The following RYR3 variants were observed in gnomAD, a reference collection of about 807,000 sequenced individuals.
RYR3 encodes the protein ryanodine receptor 3, also known as brain ryanodine receptor-calcium release channel.
In RYR3, 207 loss-of-function variants were observed where a neutral mutation model predicts 584.3. The ratio of observed to expected loss-of-function variants is 0.35; its 90% CI spans 0.32 to 0.40. The LOEUF is 0.40. Ranked by LOEUF, RYR3 falls within the 10% of genes least tolerant of loss-of-function variation. The pLI is 1.00. For synonymous variants in RYR3, 2,416 were observed against 2,248.5 expected, an observed-to-expected ratio of 1.07 and a Z score of -2.11; for missense variants, 5,616 against 6,089.2, an observed-to-expected ratio of 0.92 and a Z score of 2.59.
At chr15:33,388,786 C>T (rs952265175) in intron 1 of RYR3, among the ~76,000 whole-genome samples, 2 of 152,038 alleles carry the variant, frequency 1.3e-5, no homozygotes, top group Admixed American at 1.3e-4. Flanking sequence ...TATCAACCTC[C>T]ATGCTATAAA....
chr15:33,700,586 T>C (rs1444620496), intron 41 of RYR3, among the ~76,000 whole-genome samples: 3 of 152,126 alleles, frequency 2.0e-5, no homozygotes, highest in African/African-American at 7.2e-5. Context: ...TGAAACTATA[T>C]GAGCTAATGC....
chr15:33,417,924 C>A (rs1024534669), intron 1 of RYR3, among the ~76,000 whole-genome samples: 1 of 152,066 alleles, frequency 6.6e-6, no homozygotes, highest in Admixed American at 6.5e-5. Flanking sequence ...TTTTCTTCAT[C>A]TATTGAGATG....
At chr15:33,860,467 T>TATTTTTCTA in intron 100 of RYR3, 128 bp from the exon 101 acceptor site, 1 of 555,768 alleles carries the variant, frequency 1.8e-6, no homozygotes, top group South Asian at 3.2e-5. Flanking sequence ...ACACGAGTAT[T>TATTTTTCTA]ATTTTTCTAA....
At position 33,719,997 on chromosome 15, in the gene RYR3, G is replaced by A. The variant is rs566880792; in HGVS notation, c.6620-2718G>A. On this transcript the variant is annotated intron_variant, in intron 43 of 103. Coordinates refer to ENST00000634891, the MANE Select transcript of RYR3 (RefSeq NM_001036.6). ...TTTAATAAAAACTGATTGTTTTTTA[G>A]TGTGTGATACATTGGATAGAACTTG... 2.7e-3 allele frequency among the ~76,000 whole-genome samples: 417 copies of A among 152,232 alleles called. 7 individuals carry two copies. Among genetic ancestry groups the A allele is most frequent in the Non-Finnish European group, 1.4e-3 (96 of 68,024 alleles).
intron 10 of RYR3, among the ~76,000 whole-genome samples, chr15:33,556,990 C>G (rs950157696): frequency 6.6e-6 from 1 of 152,132 alleles, no homozygotes; most frequent in African/African-American, 2.4e-5. Context: ...TCAACTTTTT[C>G]TTCATGTTAA....
chr15:33,569,302 C>T lies in RYR3; in HGVS notation c.1268+2503C>T, dbSNP rs531790221. Among the ~76,000 whole-genome samples, 267 of 152,228 alleles carry T rather than the reference C, an allele frequency of 1.8e-3. 1 individual carries two copies. The highest frequency in any genetic ancestry group is 6.3e-3 in the African/African-American group (261 of 41,546). On this transcript the variant is annotated intron_variant, in intron 12 of 103. Coordinates refer to ENST00000634891, the MANE Select transcript of RYR3 (RefSeq NM_001036.6). ...AAAATATACATCACATAAAACTTAT[C>T]GTTTTAGCCATTTTTAGTTTCAGTG...
At chr15:33,841,721 G>C in intron 90 of RYR3, 143 bp from the exon 91 acceptor site, 1 of 739,412 alleles carries the variant, frequency 1.4e-6, no homozygotes, top group Non-Finnish European at 2.2e-6. Flanking sequence ...ACTGTGGATT[G>C]ATAAAGACCT....
At chr15:33,792,863 A>G (rs886725119) in intron 67 of RYR3, among the ~76,000 whole-genome samples, 3 of 152,124 alleles carry the variant, frequency 2.0e-5, no homozygotes, top group African/African-American at 7.2e-5. Flanking sequence ...TCCATTCTCC[A>G]GTTCTCCAAC....
intron 84 of RYR3, 83 bp from the exon 85 acceptor site, chr15:33,827,116 C>T: frequency 8.9e-7 from 1 of 1,125,990 alleles, no homozygotes; most frequent in Non-Finnish European, 1.3e-6. Flanking sequence ...CATAGAATGT[C>T]TTATCTGAGC....
At chr15:33,401,964 T>C (rs993244393) in intron 1 of RYR3, among the ~76,000 whole-genome samples, 1 of 152,152 alleles carries the variant, frequency 6.6e-6, no homozygotes, top group Admixed American at 6.5e-5. Flanking sequence ...TTTGTAAAGA[T>C]AATATACAAG....
At chr15:33,727,024 A>C (rs543823154) in intron 46 of RYR3, among the ~76,000 whole-genome samples, 77 of 152,314 alleles carry the variant, frequency 5.1e-4, no homozygotes, top group African/African-American at 1.9e-3. Flanking sequence ...GAGCATGCCA[A>C]CCCTCTGAGG....
chr15:33,485,377 A>G (rs2050321183), intron 2 of RYR3, among the ~76,000 whole-genome samples: 1 of 152,192 alleles, frequency 6.6e-6, no homozygotes, highest in African/African-American at 2.4e-5. Context: ...GGATTTTTGA[A>G]ATAGGAAAGA....
At chr15:33,731,762 C>G in intron 48 of RYR3, 68 bp downstream of exon 48, 1 of 1,112,776 alleles carries the variant, frequency 9.0e-7, no homozygotes, top group Non-Finnish European at 1.3e-6. Context: ...CCTATGTAAT[C>G]TAAAAACTGG....
chr15:33,522,551 T>C (rs75536998), intron 3 of RYR3, among the ~76,000 whole-genome samples: 3,883 of 152,328 alleles, frequency 0.025, 63 homozygotes, highest in Non-Finnish European at 0.04. Context: ...CGATACCTTA[T>C]GCTGTATAGT....
chr15:33,724,801 T>C (rs536724978), intron 45 of RYR3, among the ~76,000 whole-genome samples: 2 of 152,266 alleles, frequency 1.3e-5, no homozygotes, highest in South Asian at 4.1e-4. Context: ...AAAGCAACTC[T>C]AAATCTTGAT....
chr15:33,854,547 G>A, intron 97 of RYR3, 98 bp downstream of exon 97: 1 of 1,124,178 alleles, frequency 8.9e-7, no homozygotes, highest in Non-Finnish European at 1.3e-6. Flanking sequence ...TTCAGGGATT[G>A]CTTATCAAAG....
In RYR3 at chr15:33,634,619, C is replaced by T; in HGVS notation, c.3061C>T (p.Pro1021Ser). 1 of 1,613,868 alleles carries T rather than the reference C, an allele frequency of 6.2e-7. No individual in the cohort carries two copies. Among genetic ancestry groups the T allele is most frequent in the Non-Finnish European group, 8.5e-7 (1 of 1,179,788 alleles). The change falls in exon 25 of 104, where the codon CCA (proline) becomes TCA (serine). Residue 1021 changes from proline (P) to serine (S), a missense_variant. Around this residue, in one of 9 missense-constraint regions of RYR3, gnomAD observed 1,284 missense variants for 1,344.6 expected, o/e 0.95. Transcript: ENST00000634891. ...GAACAAAAGAAATCCCCGTCTGGTG[C>T]CATATGCATTACTGGATGAGCGTAC... is the stretch of plus-strand genomic sequence containing the variant. ...LKNKRNPRLV[P>S]YALLDERTKK...
At chr15:33,775,136 T>C (rs2073907846) in intron 64 of RYR3, among the ~76,000 whole-genome samples, 1 of 152,208 alleles carries the variant, frequency 6.6e-6, no homozygotes, top group African/African-American at 2.4e-5. Flanking sequence ...TCCAGGTTGA[T>C]TGTGTATCTG....
intron 3 of RYR3, among the ~76,000 whole-genome samples, chr15:33,510,786 A>G (rs994636140): frequency 1.3e-5 from 2 of 152,170 alleles, no homozygotes; most frequent in African/African-American, 4.8e-5. Flanking sequence ...CCAAATTGTC[A>G]TTAAACATGT....
Sources: gnomAD v4.1 joint callset for allele counts (sites outside exome capture counted in the v4.1 genomes callset) on GRCh38, gnomAD v4.1.1 for gene constraint, gnomAD v4.1.1 regional missense constraint, MANE v1.5 for transcripts, NCBI Gene and HGNC (gene_info 2026-07-23, HGNC 2026-07-21) for gene names.